ZDHHC2: variants seen among roughly 807,000 people sequenced by gnomAD.
ZDHHC2 encodes zDHHC palmitoyltransferase 2.
A neutral mutation model predicts 55.6 loss-of-function variants in ZDHHC2; 51 were observed. The ratio of observed to expected loss-of-function variants is 0.92; its 90% CI spans 0.73 to 1.16. The LOEUF (loss-of-function observed/expected upper bound fraction) is 1.16. ZDHHC2 is among the 50% of genes most tolerant of loss of function. The pLI is 0.00. For missense variants in ZDHHC2, 491 were observed against 442.4 expected, an observed-to-expected ratio of 1.11 and a Z score of -0.99; for synonymous variants, 199 against 152.9, an observed-to-expected ratio of 1.30 and a Z score of -2.22.
intron 12 of ZDHHC2, 107 bp downstream of exon 12, chr8:17,217,353 A>G (rs1362239085): frequency 1.7e-5 from 14 of 833,936 alleles, no homozygotes; most frequent in Non-Finnish European, 2.0e-5. Flanking sequence ...TGATTCATAT[A>G]GAAGATCTTT....
intron 3 of ZDHHC2, among the ~76,000 whole-genome samples, chr8:17,187,067 C>T (rs999343197): frequency 2.6e-5 from 4 of 152,168 alleles, no homozygotes; most frequent in African/African-American, 9.7e-5. Context: ...TTTCCACTTA[C>T]ATTTAGAAGT....
Position 17,199,491 on chromosome 8 carries a change from T to TTCGTCTTCG in ZDHHC2, c.476+1080_476+1081insGTCTTCGTC, listed in dbSNP as rs1255581276. Reference sequence around the variant, plus strand: ...CTTCTTCTTCTTCTTCTTCTTCTTCTTCTTCTTCTTCTTCTTCTTCTTCGT... The same window carrying TTCGTCTTCG: ...CTTCTTCTTCTTCTTCTTCTTCTTCTTCGTCTTCGTCTTCTTCTTCTTCTTCTTCTTCGT... On this transcript the variant is annotated intron_variant, in intron 6 of 12. Coordinates refer to ENST00000262096, the MANE Select transcript of ZDHHC2 (RefSeq NM_016353.5). Among the ~76,000 whole-genome samples the TTCGTCTTCG allele has an allele frequency of 9.9e-3, 368 of 37,258 alleles. 7 individuals carry two copies. The highest frequency in any genetic ancestry group is 0.045 in the Middle Eastern group (3 of 66). 24.4% of individuals were successfully genotyped at this position (37,258 alleles called of 152,430 possible).
chr8:17,199,539 CGTCTTCT>C (rs149144941), intron 6 of ZDHHC2, among the ~76,000 whole-genome samples: 14,877 of 66,800 alleles, frequency 0.22, 1,699 homozygotes, highest in South Asian at 0.38. Flanking sequence ...CTTCTGTCTT[CGTCTTCT>C]GTCTTCGTCT....
intron 3 of ZDHHC2, among the ~76,000 whole-genome samples, chr8:17,191,461 T>G (rs1184333554): frequency 6.6e-6 from 1 of 152,222 alleles, no homozygotes; most frequent in Non-Finnish European, 1.5e-5. Flanking sequence ...TGTCCAAGTT[T>G]CCTACTACCC....
chr8:17,215,837 G>A (rs958752518), intron 11 of ZDHHC2, among the ~76,000 whole-genome samples: 1 of 152,134 alleles, frequency 6.6e-6, no homozygotes, highest in Non-Finnish European at 1.5e-5. Flanking sequence ...TCTTGTTACT[G>A]TTGTTGATTT....
chr8:17,215,079 A>G (rs1345126544), intron 10 of ZDHHC2, among the ~76,000 whole-genome samples, 158 bp from the exon 11 acceptor site: 3 of 152,188 alleles, frequency 2.0e-5, no homozygotes, highest in South Asian at 2.1e-4. Flanking sequence ...AGTCAGTGCT[A>G]TTTAATGTCT....
chr8:17,164,576 G>C (rs755106919), intron 1 of ZDHHC2, among the ~76,000 whole-genome samples: 2 of 150,792 alleles, frequency 1.3e-5, no homozygotes, highest in Non-Finnish European at 2.9e-5. Flanking sequence ...GAGTTCATCA[G>C]CAAAATATAC....
intron 1 of ZDHHC2, among the ~76,000 whole-genome samples, chr8:17,165,621 ATATCTAT>A (rs1238454005): frequency 6.6e-6 from 1 of 152,226 alleles, no homozygotes; most frequent in African/African-American, 2.4e-5. Context: ...CGTTCAAAAA[ATATCTAT>A]TGACAGATGT....
chr8:17,203,625 C>T (rs998448140), intron 6 of ZDHHC2, among the ~76,000 whole-genome samples: 1 of 152,144 alleles, frequency 6.6e-6, no homozygotes, highest in African/African-American at 2.4e-5. Flanking sequence ...TACCCTGTAT[C>T]CTTTTGAGAC....
chr8:17,178,893 C>G (rs886883693), intron 1 of ZDHHC2, among the ~76,000 whole-genome samples: 1 of 152,206 alleles, frequency 6.6e-6, no homozygotes. Context: ...ATCAGTCTTA[C>G]CAATTCTAAA....
At position 17,220,708 on chromosome 8, in the gene ZDHHC2, TTC is replaced by T. The variant is rs895542194; in HGVS notation, c.*489_*490del. 4.6e-5 allele frequency: 7 copies of T among 152,214 alleles called. No homozygotes were observed. The highest frequency in any genetic ancestry group is 8.8e-5 in the Non-Finnish European group (6 of 68,024). The allele number at this position is 152,214 out of a possible 1,614,324, so 9.4% of individuals were successfully genotyped here. A position where few individuals can be genotyped will look rare whatever the true frequency, so the allele number is the denominator to read the frequency against. On this transcript the variant is annotated 3_prime_UTR_variant, in exon 13 of 13. Transcript: ENST00000262096. Reference sequence around the variant, plus strand: ...AGAAGGTGGAAGTGGCAAACCATACTTCTTTTTTTTCCTCTGATGTGAATCCA... The same window carrying T: ...AGAAGGTGGAAGTGGCAAACCATACTTTTTTTTTCCTCTGATGTGAATCCA...
At chr8:17,216,144 A>G (rs1390469641) in intron 11 of ZDHHC2, among the ~76,000 whole-genome samples, 2 of 152,164 alleles carry the variant, frequency 1.3e-5, no homozygotes, top group African/African-American at 2.4e-5. Flanking sequence ...TTAGCCAGAA[A>G]ATCTTCAGAT....
chr8:17,184,431 A>C (rs1805601153), intron 1 of ZDHHC2, among the ~76,000 whole-genome samples: 1 of 152,266 alleles, frequency 6.6e-6, no homozygotes, highest in Non-Finnish European at 1.5e-5. Flanking sequence ...GCCTGCGGAA[A>C]TGTAATGACC....
chr8:17,172,977 T>G (rs1481045750), intron 1 of ZDHHC2, among the ~76,000 whole-genome samples: 1 of 152,162 alleles, frequency 6.6e-6, no homozygotes, highest in African/African-American at 2.4e-5. Context: ...GTATCCAAAG[T>G]TTGTAAAATT....
At chr8:17,175,421 T>C (rs1805080063) in intron 1 of ZDHHC2, among the ~76,000 whole-genome samples, 2 of 152,262 alleles carry the variant, frequency 1.3e-5, no homozygotes, top group South Asian at 4.1e-4. Flanking sequence ...ACTTGGCATT[T>C]CACGCTGCAG....
chr8:17,208,017 G>C lies in ZDHHC2; in HGVS notation c.655G>C (p.Ala219Pro). 6.3e-7 allele frequency: 1 copy of C among 1,596,692 alleles called. No individual in the cohort carries two copies. The highest frequency in any genetic ancestry group is 8.5e-7 in the Non-Finnish European group (1 of 1,170,710). ...TATTATGTTTTTATTCTTTGCTGCA[G>C]CTATGTTTTCTGTCAGCTTGTCTTC... Reference protein sequence around the residue: ...FHIMFLFFAAAMFSVSLSSLF... With the variant: ...FHIMFLFFAAPMFSVSLSSLF... The change falls in exon 8 of 13, where the codon GCT becomes CCT. Residue 219 changes from alanine to proline, a missense_variant. Physicochemically the swap from Ala to Pro is conservative, Grantham distance 27 (BLOSUM62 -1). Coordinates refer to ENST00000262096, the MANE Select transcript of ZDHHC2 (RefSeq NM_016353.5).
At chr8:17,185,380 G>C (rs1805656263) in intron 2 of ZDHHC2, among the ~76,000 whole-genome samples, 1 of 152,116 alleles carries the variant, frequency 6.6e-6, no homozygotes, top group African/African-American at 2.4e-5. Flanking sequence ...ATTTGGGCCG[G>C]GCACAGTGGC....
At chr8:17,182,300 A>G (rs1031041781) in intron 1 of ZDHHC2, among the ~76,000 whole-genome samples, 8 of 152,184 alleles carry the variant, frequency 5.3e-5, no homozygotes, top group Non-Finnish European at 1.0e-4. Context: ...GCCAATAGGA[A>G]AATAATCATT....
intron 10 of ZDHHC2, among the ~76,000 whole-genome samples, 188 bp from the exon 11 acceptor site, chr8:17,215,049 A>G (rs1392969649): frequency 4.6e-5 from 7 of 152,232 alleles, no homozygotes; most frequent in African/African-American, 1.7e-4. Flanking sequence ...GACTGAAGAT[A>G]GAACACTTTT....
Sources: allele counts gnomAD v4.1 joint callset (sites outside exome capture counted in the v4.1 genomes callset), GRCh38; gene constraint gnomAD v4.1.1; transcripts MANE v1.5; gene names NCBI Gene and HGNC (gene_info 2026-07-23, HGNC 2026-07-21).